TXNDC12: variants seen among roughly 807,000 people sequenced by gnomAD.
The protein encoded by TXNDC12 is thioredoxin domain-containing protein 12.
A neutral mutation model predicts 24.2 loss-of-function variants in TXNDC12; 22 were observed. That is an observed-to-expected ratio of 0.91 (90% CI 0.65 to 1.30). The LOEUF is 1.30. Ranked by LOEUF, TXNDC12 falls within the 50% of genes most tolerant of loss-of-function variation. The pLI, the probability that TXNDC12 is intolerant of heterozygous loss-of-function variation, is 0.00. For synonymous variants in TXNDC12, 58 were observed against 73.4 expected, an observed-to-expected ratio of 0.79 and a Z score of 1.07; for missense variants, 184 against 205.8, an observed-to-expected ratio of 0.89 and a Z score of 0.65.
intron 3 of TXNDC12, among the ~76,000 whole-genome samples, chr1:52,027,976 C>T (rs1451133691): frequency 2.0e-5 from 3 of 151,944 alleles, no homozygotes; most frequent in Non-Finnish European, 2.9e-5. Context: ...CAGGCGCGTG[C>T]CACCAAATCC....
chr1:52,023,450 C>G, intron 6 of TXNDC12, 41 bp downstream of exon 6: 1 of 1,517,414 alleles, frequency 6.6e-7, no homozygotes, highest in African/African-American at 1.4e-5. Context: ...CATCCTAGTT[C>G]AATCTAGCAA....
At chr1:52,033,653 C>A (rs1173885050) in intron 2 of TXNDC12, 27 of 1,611,324 alleles carry the variant, frequency 1.7e-5, no homozygotes, top group Non-Finnish European at 2.2e-5. Context: ...ACAGCTGCGT[C>A]GTCCACCACG....
intron 3 of TXNDC12, among the ~76,000 whole-genome samples, chr1:52,027,613 G>C (rs576410092): frequency 6.9e-4 from 105 of 152,004 alleles, no homozygotes; most frequent in African/African-American, 2.4e-3. Flanking sequence ...ATACGAATAG[G>C]GGGGAAAAGC....
chr1:52,027,376 A>C, intron 3 of TXNDC12, 28 bp from the exon 4 acceptor site: 5 of 1,493,910 alleles, frequency 3.3e-6, no homozygotes, highest in Non-Finnish European at 4.7e-6. Context: ...TTGGAATAGA[A>C]GAAAAAACAT....
chr1:52,029,348 C>A (rs770715965), intron 2 of TXNDC12, among the ~76,000 whole-genome samples: 1 of 152,128 alleles, frequency 6.6e-6, no homozygotes, highest in African/African-American at 2.4e-5. Context: ...GTTTTCCTTA[C>A]ACTACATCTG....
chr1:52,023,522 G>A lies in TXNDC12; in HGVS notation c.408C>T (p.Ser136=). ...PEIINENGNP[S]YKYFYVSAEQ... ...CGGCACTGACATAAAAATACTTGTA[G>A]CTGGGGTTTCCATTCTCATTGATGA... The change falls in exon 6 of 7, where the codon AGC becomes AGT. Residue 136 remains serine, a synonymous_variant. Coordinates refer to ENST00000371626, the MANE Select transcript of TXNDC12 (RefSeq NM_015913.4). 1.9e-6 allele frequency: 3 copies of A among 1,614,084 alleles called. No homozygotes were observed. The highest frequency in any genetic ancestry group is 2.5e-6 in the Non-Finnish European group (3 of 1,179,974).
intron 1 of TXNDC12, among the ~76,000 whole-genome samples, chr1:52,044,832 A>G (rs1388563629): frequency 6.6e-6 from 1 of 152,128 alleles, no homozygotes; most frequent in East Asian, 1.9e-4. Flanking sequence ...AAAGTTAGCC[A>G]GGTGCCGTGG....
At position 52,032,333 on chromosome 1, in the gene TXNDC12, GT is replaced by G. The variant is rs960646453; in HGVS notation, c.159-3704del. 4.4e-5 allele frequency: 45 copies of G among 1,027,192 alleles called. No homozygotes were observed. In the African/African-American group the frequency reaches 6.6e-4, roughly 15 times the overall value. 63.6% of individuals were successfully genotyped at this position (1,027,192 alleles called of 1,614,324 possible). On this transcript the variant is annotated intron_variant, in intron 2 of 6. Transcript: ENST00000371626. ...CCATCTTCAGTTTCTGTTCACAATTGTTTTAAAACAATTCTCATCTATCCAG... is the reference window on the plus strand; with the variant it reads ...CCATCTTCAGTTTCTGTTCACAATTGTTTAAAACAATTCTCATCTATCCAG...
At chr1:52,030,815 T>A (rs1685740231) in intron 2 of TXNDC12, among the ~76,000 whole-genome samples, 1 of 152,204 alleles carries the variant, frequency 6.6e-6, no homozygotes, top group Non-Finnish European at 1.5e-5. Context: ...TGTTGTATAT[T>A]TTTACATTTT....
intron 2 of TXNDC12, 55 bp downstream of exon 2, chr1:52,041,482 T>A (rs1477501399): frequency 5.5e-5 from 71 of 1,297,506 alleles, no homozygotes; most frequent in Non-Finnish European, 7.8e-5. Context: ...TAACGTTAAG[T>A]TGATAGCTGA....
intron 5 of TXNDC12, among the ~76,000 whole-genome samples, chr1:52,023,804 T>C (rs1022951035): frequency 6.6e-6 from 1 of 152,132 alleles, no homozygotes; most frequent in Non-Finnish European, 1.5e-5. Context: ...TAGGTGGTCA[T>C]TAAATATCTC....
chr1:52,021,769 A>G (rs1316551188), intron 6 of TXNDC12, among the ~76,000 whole-genome samples: 1 of 152,202 alleles, frequency 6.6e-6, no homozygotes, highest in African/African-American at 2.4e-5. Context: ...GCCAGAGTCT[A>G]TGAATCTTGC....
intron 2 of TXNDC12, 63 bp from the exon 3 acceptor site, chr1:52,028,693 G>T: frequency 8.1e-7 from 1 of 1,240,452 alleles, no homozygotes; most frequent in South Asian, 1.3e-5. Context: ...TAATGATAAA[G>T]ATTAATATGT....
At chr1:52,048,624 T>G (rs570921939) in intron 1 of TXNDC12, among the ~76,000 whole-genome samples, 1 of 152,320 alleles carries the variant, frequency 6.6e-6, no homozygotes, top group East Asian at 1.9e-4. Flanking sequence ...CCCATTACTT[T>G]GGGAGGCTGA....
intron 3 of TXNDC12, 40 bp from the exon 4 acceptor site, chr1:52,027,388 A>G: frequency 7.1e-7 from 1 of 1,404,088 alleles, no homozygotes; most frequent in Non-Finnish European, 1.0e-6. Flanking sequence ...AAAAAACATC[A>G]TTGTCACAAC....
intron 6 of TXNDC12, among the ~76,000 whole-genome samples, chr1:52,021,675 G>T (rs1016852775): frequency 1.3e-5 from 2 of 151,960 alleles, no homozygotes; most frequent in Non-Finnish European, 2.9e-5. Context: ...TTAGACTCAA[G>T]GGGGACAGCT....
At chr1:52,028,125 T>G (rs757279967) in intron 3 of TXNDC12, among the ~76,000 whole-genome samples, 38 of 152,014 alleles carry the variant, frequency 2.5e-4, no homozygotes, top group Non-Finnish European at 4.4e-4. Context: ...GCGCCTGGTC[T>G]TTTATACTAT....
At chr1:52,047,723 T>G (rs1686124269) in intron 1 of TXNDC12, among the ~76,000 whole-genome samples, 1 of 150,764 alleles carries the variant, frequency 6.6e-6, no homozygotes, top group Non-Finnish European at 1.5e-5. Context: ...GGCAACAGGA[T>G]GAGACTCTAT....
intron 3 of TXNDC12, among the ~76,000 whole-genome samples, chr1:52,028,205 G>A (rs569916496): frequency 6.9e-4 from 105 of 152,140 alleles, no homozygotes; most frequent in African/African-American, 2.4e-3. Context: ...CCTGTCTGGG[G>A]AAGTGGCAAG....
Sources: allele counts gnomAD v4.1 joint callset (sites outside exome capture counted in the v4.1 genomes callset), GRCh38; gene constraint gnomAD v4.1.1; transcripts MANE v1.5; gene names NCBI Gene and HGNC (gene_info 2026-07-23, HGNC 2026-07-21).